The following RGPD2 variants were observed in gnomAD, a reference collection of about 807,000 sequenced individuals.
RGPD2 encodes RANBP2-like and GRIP domain-containing protein 2.
Under a neutral mutation model 36.0 loss-of-function variants are expected in RGPD2, and 2 were observed. The observed-to-expected ratio is 0.06, with a 90% CI of 0.02 to 0.17. The LOEUF (loss-of-function observed/expected upper bound fraction) is 0.17. Among genes scored for constraint, RGPD2 ranks in the 10% least tolerant of loss-of-function variants. The pLI, the probability that RGPD2 is intolerant of heterozygous loss-of-function variation, is 1.00. For missense variants in RGPD2, 40 were observed against 464.3 expected, an observed-to-expected ratio of 0.09 and a Z score of 8.40; for synonymous variants, 19 against 163.8, an observed-to-expected ratio of 0.12 and a Z score of 6.75.
chr2:87,886,174 G>T, the RGPD2 span, among the ~76,000 whole-genome samples: 2 of 151,580 alleles, frequency 1.3e-5, no homozygotes, highest in African/African-American at 4.8e-5. Flanking sequence ...TTCTAGGCAC[G>T]TTTCTACCTC....
the RGPD2 span, among the ~76,000 whole-genome samples, chr2:87,921,779 T>C: frequency 6.6e-6 from 1 of 152,078 alleles, no homozygotes; most frequent in African/African-American, 2.4e-5. Context: ...CACATTAAAA[T>C]GGGACACAAT....
the RGPD2 span, among the ~76,000 whole-genome samples, chr2:87,957,001 AGCCATG>A: frequency 1.4e-5 from 2 of 147,762 alleles, no homozygotes; most frequent in Non-Finnish European, 3.0e-5. Flanking sequence ...TCAACTCCAA[AGCCATG>A]GCTCAAGGAT....
chr2:87,843,686 AT>A, the RGPD2 span, among the ~76,000 whole-genome samples: 3 of 152,148 alleles, frequency 2.0e-5, no homozygotes, highest in Non-Finnish European at 4.4e-5. Flanking sequence ...TAGAAATACC[AT>A]TTAACCCAGC....
At chr2:87,985,785 A>C in the RGPD2 span, 1 of 1,610,928 alleles carries the variant, frequency 6.2e-7, no homozygotes, top group African/African-American at 1.3e-5. Context: ...GAGACAAGTC[A>C]CAAATAAATT....
At chr2:87,915,850 G>A in the RGPD2 span, among the ~76,000 whole-genome samples, 1 of 151,348 alleles carries the variant, frequency 6.6e-6, no homozygotes, top group East Asian at 1.9e-4. Flanking sequence ...CCATTTTAGG[G>A]TATACATAGC....
the RGPD2 span, among the ~76,000 whole-genome samples, chr2:87,860,010 T>C: frequency 6.8e-6 from 1 of 147,124 alleles, no homozygotes; most frequent in Non-Finnish European, 1.5e-5. Flanking sequence ...TTCTTTGTGA[T>C]GTGCTGATGC....
the RGPD2 span, among the ~76,000 whole-genome samples, chr2:87,882,913 G>A: frequency 6.6e-6 from 1 of 151,712 alleles, no homozygotes; most frequent in African/African-American, 2.4e-5. Flanking sequence ...CAACACTACT[G>A]ATTTTTGTAA....
At chr2:87,785,285 A>C in intron 18 of RGPD2, 116 bp from the exon 19 acceptor site, 1 of 534,968 alleles carries the variant, frequency 1.9e-6, no homozygotes, top group Non-Finnish European at 3.3e-6. Flanking sequence ...AGATTTAACT[A>C]CATAAATTTT....
chr2:87,905,129 T>C, the RGPD2 span, among the ~76,000 whole-genome samples: 742 of 152,150 alleles, frequency 4.9e-3, 1 homozygote, highest in Non-Finnish European at 8.4e-3. Context: ...TACAGAGATC[T>C]CACAGTCATA....
At chr2:87,923,028 T>C in the RGPD2 span, among the ~76,000 whole-genome samples, 1 of 151,962 alleles carries the variant, frequency 6.6e-6, no homozygotes, top group Non-Finnish European at 1.5e-5. Context: ...TCCTGAATTA[T>C]ATTAGGATTT....
chr2:87,772,855 G>A (rs1306581999), intron 21 of RGPD2, among the ~76,000 whole-genome samples: 2 of 150,836 alleles, frequency 1.3e-5, no homozygotes, highest in Admixed American at 6.6e-5. Context: ...TGCATCCTGT[G>A]TAAATACTGG....
chr2:87,974,878 T>G, the RGPD2 span, among the ~76,000 whole-genome samples: 1 of 152,126 alleles, frequency 6.6e-6, no homozygotes. Context: ...CAGTTCCTTT[T>G]ACTATTCATT....
the RGPD2 span, among the ~76,000 whole-genome samples, chr2:87,883,449 T>A: frequency 1.3e-5 from 2 of 152,058 alleles, no homozygotes; most frequent in African/African-American, 4.8e-5. Flanking sequence ...GTGGCAGTAG[T>A]AAATCCTTAC....
At chr2:87,832,129 G>A in the RGPD2 span, among the ~76,000 whole-genome samples, 3,577 of 148,116 alleles carry the variant, frequency 0.024, 43 homozygotes, top group Non-Finnish European at 0.033. Context: ...AATGCATTCT[G>A]TAACCTAAAG....
At chr2:87,913,738 C>T in the RGPD2 span, among the ~76,000 whole-genome samples, 39 of 151,870 alleles carry the variant, frequency 2.6e-4, no homozygotes, top group African/African-American at 9.2e-4. Context: ...TTAGCTTAGA[C>T]TTTTGAAGAC....
the RGPD2 span, among the ~76,000 whole-genome samples, chr2:87,940,052 A>G: frequency 6.6e-6 from 1 of 152,010 alleles, no homozygotes; most frequent in Admixed American, 6.6e-5. Flanking sequence ...TAACAAGTCT[A>G]ATAAAGATGG....
At chr2:87,771,392 T>G (rs1685107176) in intron 22 of RGPD2, 1 of 28,236 alleles carries the variant, frequency 3.5e-5, no homozygotes, top group East Asian at 8.9e-4. Context: ...AGTTTTTTTT[T>G]TTTTTTTTTT....
the RGPD2 span, among the ~76,000 whole-genome samples, chr2:87,857,774 T>TAAAACAAAAAAAA: frequency 8.1e-6 from 1 of 123,490 alleles, no homozygotes; most frequent in African/African-American, 3.8e-5. Flanking sequence ...CCATCTCTAC[T>TAAAACAAAAAAAA]AAAAAAAAAA....
chr2:87,758,964 G>A (rs1684830701), intron 22 of RGPD2, among the ~76,000 whole-genome samples: 1 of 141,016 alleles, frequency 7.1e-6, no homozygotes, highest in African/African-American at 2.5e-5. Context: ...TGCGTAACGT[G>A]TTCACCTCTC....
Sources: allele counts gnomAD v4.1 joint callset (sites outside exome capture counted in the v4.1 genomes callset), GRCh38; gene constraint gnomAD v4.1.1; transcripts MANE v1.5; gene names NCBI Gene and HGNC (gene_info 2026-07-23, HGNC 2026-07-21).